Variants in HTT observed in about 807,000 individuals in gnomAD.
The protein encoded by HTT is huntington disease protein.
In HTT, 104 loss-of-function variants were observed where a neutral mutation model predicts 362.3. That is an observed-to-expected ratio of 0.29 (90% CI 0.24 to 0.34). The LOEUF (loss-of-function observed/expected upper bound fraction) is 0.34. Ranked by LOEUF, HTT falls within the 10% of genes least tolerant of loss-of-function variation. The pLI, the probability that HTT is intolerant of heterozygous loss-of-function variation, is 1.00. For missense variants in HTT, 3,301 were observed against 3,928.6 expected (o/e 0.84, Z 4.27); for synonymous variants, 1,577 against 1,548.7 (o/e 1.02, Z -0.43).
chr4:3,140,546 A>G lies in HTT; in HGVS notation c.2835A>G (p.Gly945=), dbSNP rs1326589253. The G allele has an allele frequency of 1.9e-6, 3 of 1,614,164 alleles. No individual in the cohort carries two copies. Among genetic ancestry groups the G allele is most frequent in the Non-Finnish European group, 2.5e-6 (3 of 1,179,992 alleles). ...VPKLFYKCDQ[G]QADPVVAVAR... is the part of the protein sequence containing the mutation. The stretch of plus-strand genomic sequence containing the variant: ...AGCTGTTTTATAAATGTGACCAAGG[A>G]CAAGCTGATCCAGTAGTGGCCGTGG... The change falls in exon 22 of 67, where the codon GGA becomes GGG. Residue 945 remains glycine, a synonymous_variant. Transcript: ENST00000355072.
chr4:3,128,887 T>C (rs1473105683), intron 12 of HTT: 1 of 152,246 alleles, frequency 6.6e-6, no homozygotes, highest in Non-Finnish European at 1.5e-5. Flanking sequence ...CTGTAACCTT[T>C]TGATCATGTA....
chr4:3,106,727 G>C (rs1036810703), intron 5 of HTT, among the ~76,000 whole-genome samples: 1 of 151,982 alleles, frequency 6.6e-6, no homozygotes, highest in Admixed American at 6.6e-5. Flanking sequence ...CACTTCCTTA[G>C]GGAGGTTTCC....
intron 41 of HTT, among the ~76,000 whole-genome samples, chr4:3,202,289 G>A (rs1237749576): frequency 1.3e-5 from 2 of 152,138 alleles, no homozygotes; most frequent in East Asian, 3.9e-4. Context: ...GGGGGGGCTT[G>A]TGCTGCTACA....
At chr4:3,188,775 C>G in intron 39 of HTT, 176 bp from the exon 40 acceptor site, 1 of 601,372 alleles carries the variant, frequency 1.7e-6, no homozygotes, top group East Asian at 2.9e-5. Flanking sequence ...AGGTGATACA[C>G]AGAGAGACCA....
At chr4:3,153,390 A>G (rs114247404) in intron 26 of HTT, among the ~76,000 whole-genome samples, 248 of 152,300 alleles carry the variant, frequency 1.6e-3, no homozygotes, top group African/African-American at 5.8e-3. Context: ...TAGCAGAGCT[A>G]GGACCTCAAT....
Position 3,218,102 on chromosome 4 carries a change from G to T in HTT, c.7242+150G>T. The T allele has an allele frequency of 1.5e-6, 1 of 661,500 alleles. No individual in the cohort carries two copies. Among genetic ancestry groups the T allele is most frequent in the Non-Finnish European group, 2.5e-6 (1 of 402,684 alleles). 41.0% of individuals were successfully genotyped at this position (661,500 alleles called of 1,614,324 possible). On this transcript the variant is annotated intron_variant, in intron 52 of 66. Coordinates refer to ENST00000355072, the MANE Select transcript of HTT (RefSeq NM_001388492.1). The surrounding 1 kb of genome is among the most constrained non-coding windows in gnomAD (Gnocchi z 4.4). ...GGTGCCCACTGTGGTTCTGGTGCCA[G>T]GCTGCTTTCCTCAGGCACCACGTGT...
chr4:3,162,250 T>C (rs990015402), intron 29 of HTT, among the ~76,000 whole-genome samples: 3 of 152,350 alleles, frequency 2.0e-5, no homozygotes, highest in African/African-American at 7.2e-5. Flanking sequence ...TGGTGGTATT[T>C]CTGAGGCCTC....
At chr4:3,153,372 T>C (rs1239709860) in intron 26 of HTT, among the ~76,000 whole-genome samples, 1 of 151,680 alleles carries the variant, frequency 6.6e-6, no homozygotes, top group Admixed American at 6.6e-5. Context: ...GATCAGGGAG[T>C]GAGTAAGTAG....
At chr4:3,239,011 T>C (rs1281851096) in intron 66 of HTT, 33 bp downstream of exon 66, 2 of 1,576,414 alleles carry the variant, frequency 1.3e-6, no homozygotes, top group Admixed American at 1.8e-5. Flanking sequence ...GCTGGCCCCG[T>C]TTCCCTTGTC....
chr4:3,165,555 A>T (rs1357462482), intron 29 of HTT, among the ~76,000 whole-genome samples: 5 of 151,888 alleles, frequency 3.3e-5, no homozygotes, highest in Non-Finnish European at 7.4e-5. Flanking sequence ...CACCAATCAA[A>T]CGTAGATTTG....
At chr4:3,188,890 T>C in intron 39 of HTT, 61 bp from the exon 40 acceptor site, 1 of 1,457,938 alleles carries the variant, frequency 6.9e-7, no homozygotes, top group Non-Finnish European at 9.5e-7. Context: ...TCATGTATAC[T>C]TGGCGTAAGT....
intron 2 of HTT, among the ~76,000 whole-genome samples, chr4:3,098,187 C>T (rs917887366): frequency 2.0e-5 from 3 of 152,152 alleles, no homozygotes; most frequent in African/African-American, 4.8e-5. Context: ...TTCCTCAGTT[C>T]GTTATTCATG....
In HTT at chr4:3,104,032, A is replaced by C; in HGVS notation, c.528+149A>C. 7.0e-6 allele frequency: 4 copies of C among 568,526 alleles called. No individual in the cohort carries two copies. The South Asian group carries it at 9.7e-5, about 14-fold the overall frequency. The allele number at this position is 568,526 out of a possible 1,614,324, so 35.2% of individuals were successfully genotyped here. A position where few individuals can be genotyped will look rare whatever the true frequency, so the allele number is the denominator to read the frequency against. On this transcript the variant is annotated intron_variant, in intron 4 of 66. Transcript: ENST00000355072. ...ACAATACATAATAATCACACCATGG[A>C]AAGTTGGATATCCATGCCCTCAAGC...
intron 3 of HTT, among the ~76,000 whole-genome samples, chr4:3,102,076 G>C (rs530702630): frequency 1.3e-5 from 2 of 152,310 alleles, no homozygotes; most frequent in East Asian, 3.9e-4. Flanking sequence ...GATGTGGTCA[G>C]GGGAGTGTAT....
intron 56 of HTT, 50 bp from the exon 57 acceptor site, chr4:3,225,611 C>T (rs780605106): frequency 1.0e-5 from 16 of 1,537,760 alleles, no homozygotes; most frequent in African/African-American, 4.1e-5. Flanking sequence ...GGTGGGCCTG[C>T]GGCCCTGCCC....
intron 1 of HTT, among the ~76,000 whole-genome samples, chr4:3,075,392 A>T (rs941080556): frequency 2.6e-4 from 40 of 152,330 alleles, no homozygotes; most frequent in Admixed American, 1.9e-3. Context: ...CGCCCTTCGC[A>T]GGATGCGAAG....
chr4:3,199,765 G>A lies in HTT; in HGVS notation c.5402G>A (p.Arg1801Lys). The change falls in exon 41 of 67, where the codon AGG becomes AAG. Residue 1801 changes from arginine to lysine, a missense_variant. Physicochemically the swap from Arg to Lys is conservative, Grantham distance 26. This residue lies in a region of HTT where 2,316 missense variants were observed against 2,658.5 expected (regional missense o/e 0.87). Coordinates refer to ENST00000355072, the MANE Select transcript of HTT (RefSeq NM_001388492.1). ...CGGAGAATCACAGCAGCTGCCACTA[G>A]GCTGTTCCGCAGTGATGGCTGTGGC... Reference protein sequence around the residue: ...MFRRITAAATRLFRSDGCGGS... With the variant: ...MFRRITAAATKLFRSDGCGGS... 6.2e-7 allele frequency: 1 copy of A among 1,614,170 alleles called. No homozygotes were observed. The highest frequency in any genetic ancestry group is 1.6e-4 in the Middle Eastern group (1 of 6,062).
chr4:3,177,392 T>G lies in HTT; in HGVS notation c.4463+5T>G. ...CATTGAAGTGGGCCAGTTCAGGTAA[T>G]AGCATTTTATTATTTTAGATTTTTT... On this transcript the variant is annotated splice_donor_5th_base_variant and intron_variant, in intron 34 of 66. Coordinates refer to ENST00000355072, the MANE Select transcript of HTT (RefSeq NM_001388492.1). The G allele has an allele frequency of 1.9e-6, 3 of 1,564,648 alleles. No homozygotes were observed. In the African/African-American group the frequency reaches 4.1e-5, roughly 21 times the overall value.
chr4:3,229,878 C>G lies in HTT; in HGVS notation c.8110-9C>G. On this transcript the variant is annotated splice_polypyrimidine_tract_variant and intron_variant, in intron 59 of 66. Transcript: ENST00000355072. Reference sequence around the variant, plus strand: ...CTCCCCTTGCCCTCCTGGTTTTCCACATCTCCAGCTTCTAGTGGTCTCAGA... The same window carrying G: ...CTCCCCTTGCCCTCCTGGTTTTCCAGATCTCCAGCTTCTAGTGGTCTCAGA... The G allele has an allele frequency of 6.2e-7, 1 of 1,613,824 alleles. No homozygotes were observed. Among genetic ancestry groups the G allele is most frequent in the Non-Finnish European group, 8.5e-7 (1 of 1,179,712 alleles).
Sources: allele counts gnomAD v4.1 joint callset (sites outside exome capture counted in the v4.1 genomes callset), GRCh38; gene constraint gnomAD v4.1.1; regional missense constraint gnomAD v4.1.1; non-coding constraint Gnocchi (gnomAD v3.1); transcripts MANE v1.5; gene names NCBI Gene and HGNC (gene_info 2026-07-23, HGNC 2026-07-21).